Variants in NINL observed in about 807,000 individuals in gnomAD.
NINL encodes the protein ninein like.
Under a neutral mutation model 160.3 loss-of-function variants are expected in NINL, and 153 were observed. The ratio of observed to expected loss-of-function variants is 0.95; its 90% CI spans 0.84 to 1.09. The LOEUF is 1.09. NINL is among the 50% of genes least tolerant of loss of function. The pLI, the probability that NINL is intolerant of heterozygous loss-of-function variation, is 0.00. For synonymous variants in NINL, 800 were observed against 734.8 expected (o/e 1.09, Z -1.43); for missense variants, 1,829 against 1,764.0 (o/e 1.04, Z -0.66).
intron 7 of NINL, among the ~76,000 whole-genome samples, chr20:25,501,668 T>G (rs1443877162): frequency 6.6e-6 from 1 of 152,220 alleles, no homozygotes; most frequent in Non-Finnish European, 1.5e-5. Context: ...AGTGCTGGCT[T>G]CTGAGTTTCT....
chr20:25,467,234 TCTGA>T (rs1188427234), intron 19 of NINL, among the ~76,000 whole-genome samples, 151 bp downstream of exon 19: 7 of 152,212 alleles, frequency 4.6e-5, no homozygotes, highest in Non-Finnish European at 8.8e-5. Flanking sequence ...GTGTTTAGTG[TCTGA>T]CTTTGATGGG....
chr20:25,543,349 A>G (rs1455090672), intron 1 of NINL, among the ~76,000 whole-genome samples: 1 of 152,232 alleles, frequency 6.6e-6, no homozygotes, highest in Admixed American at 6.5e-5. Flanking sequence ...CTGGAGGTCC[A>G]GACTAGCCTG....
chr20:25,477,721 C>T (rs567215194), intron 16 of NINL, among the ~76,000 whole-genome samples: 2 of 152,304 alleles, frequency 1.3e-5, no homozygotes, highest in African/African-American at 4.8e-5. Context: ...GGGACAGCAG[C>T]TCCCCAGGAG....
At chr20:25,478,407 GC>G (rs916578402) in intron 16 of NINL, among the ~76,000 whole-genome samples, 19 of 152,168 alleles carry the variant, frequency 1.2e-4, no homozygotes, top group Admixed American at 8.5e-4. Context: ...TACCTCAGAT[GC>G]CCCCAACAAG....
chr20:25,571,253 C>T (rs1235893254), intron 1 of NINL, among the ~76,000 whole-genome samples: 1 of 152,070 alleles, frequency 6.6e-6, no homozygotes, highest in Non-Finnish European at 1.5e-5. Flanking sequence ...GGTTTCATAG[C>T]CACAGTACTG....
rs184600895 is a variant in NINL at position 25,542,984 on chromosome 20, G to A, written c.-11-16386C>T. 1.3e-3 allele frequency among the ~76,000 whole-genome samples: 195 copies of A among 145,028 alleles called. 1 individual carries two copies. Among genetic ancestry groups the A allele is most frequent in the African/African-American group, 4.6e-3 (182 of 39,388 alleles). ...GAACCTGGGAGGTGGAGGCTGCAGT[G>A]AGCCAAGATCGCACCACTGCACTCC... On this transcript the variant is annotated intron_variant, in intron 1 of 23. Transcript: ENST00000278886.
At position 25,568,278 on chromosome 20, in the gene NINL, T is replaced by A. The variant is rs114421714; in HGVS notation, c.-12+17177A>T. Reference sequence around the variant, plus strand: ...CCATTATTGGCAATAAAAGAGAGAATTGTATCTTTACAGATTCTGCAGGCA... The same window carrying A: ...CCATTATTGGCAATAAAAGAGAGAAATGTATCTTTACAGATTCTGCAGGCA... On this transcript the variant is annotated intron_variant, in intron 1 of 23. Coordinates refer to ENST00000278886, the MANE Select transcript of NINL (RefSeq NM_025176.6). Among the ~76,000 whole-genome samples, 450 of 151,270 alleles carry A rather than the reference T, an allele frequency of 3.0e-3. 5 individuals are homozygous for A. The highest frequency in any genetic ancestry group is 9.4e-3 in the African/African-American group (388 of 41,342).
intron 11 of NINL, 102 bp from the exon 12 acceptor site, chr20:25,490,087 G>T: frequency 9.3e-7 from 1 of 1,074,036 alleles, no homozygotes; most frequent in Non-Finnish European, 1.4e-6. Flanking sequence ...TGGGCATCAG[G>T]AAAGAACCCC....
At chr20:25,461,738 A>C in intron 20 of NINL, 103 bp from the exon 21 acceptor site, 1 of 815,250 alleles carries the variant, frequency 1.2e-6, no homozygotes, top group Non-Finnish European at 2.0e-6. Flanking sequence ...AAAAAAGTAC[A>C]AAATTTAAAT....
chr20:25,547,388 C>A (rs937225938), intron 1 of NINL, among the ~76,000 whole-genome samples: 2 of 152,208 alleles, frequency 1.3e-5, no homozygotes, highest in Non-Finnish European at 2.9e-5. Context: ...TTGCAAGCCA[C>A]ACTATCAGAT....
intron 1 of NINL, among the ~76,000 whole-genome samples, chr20:25,555,895 G>A (rs1393176556): frequency 4.6e-5 from 7 of 151,964 alleles, no homozygotes; most frequent in Non-Finnish European, 7.4e-5. Flanking sequence ...GGCTGGTCTC[G>A]AACTCCTGAC....
chr20:25,511,763 T>A (rs2064073997), intron 4 of NINL, among the ~76,000 whole-genome samples: 1 of 152,208 alleles, frequency 6.6e-6, no homozygotes, highest in Admixed American at 6.5e-5. Flanking sequence ...TTTACTGGCA[T>A]CGCCTAGATG....
chr20:25,478,804 G>A, intron 16 of NINL, 119 bp downstream of exon 16: 1 of 1,246,110 alleles, frequency 8.0e-7, no homozygotes, highest in Non-Finnish European at 1.1e-6. Context: ...CATCTGCCCA[G>A]AGGAAAACCA....
intron 1 of NINL, among the ~76,000 whole-genome samples, chr20:25,537,430 A>C (rs1340524156): frequency 6.6e-6 from 1 of 152,206 alleles, no homozygotes; most frequent in African/African-American, 2.4e-5. Context: ...TGACGAAACA[A>C]AAACTGATGT....
At chr20:25,552,256 G>T (rs1053542984) in intron 1 of NINL, among the ~76,000 whole-genome samples, 41 of 151,820 alleles carry the variant, frequency 2.7e-4, no homozygotes, top group African/African-American at 9.9e-4. Context: ...TAAAAGAGCT[G>T]GGCATGGTGG....
At position 25,504,991 on chromosome 20, in the gene NINL, C is replaced by G; in HGVS notation, c.605G>C (p.Arg202Pro). 3 of 1,613,874 alleles carry G rather than the reference C, an allele frequency of 1.9e-6. No individual in the cohort carries two copies. Among genetic ancestry groups the G allele is most frequent in the South Asian group, 1.1e-5 (1 of 91,044 alleles). Residue 202 changes from arginine (R) to proline (P), a missense_variant, in exon 6 of 24, where the codon CGG becomes CCG. Arg to Pro is a moderately radical substitution (Grantham distance 103). Coordinates refer to ENST00000278886, the MANE Select transcript of NINL (RefSeq NM_025176.6). ...CACCCCCAGCTCTTCCCACACGCCC[C>G]GGATCTGGCTCTCTGGGGTGTCAAA... ...PSFDTPESQI[R>P]GVWEELGVGS...
intron 22 of NINL, among the ~76,000 whole-genome samples, chr20:25,457,771 C>G: frequency 6.6e-6 from 1 of 152,210 alleles, no homozygotes; most frequent in East Asian, 1.9e-4. Flanking sequence ...TTGAATTAAA[C>G]TCCTGCATAG....
At chr20:25,569,162 A>G (rs988231229) in intron 1 of NINL, among the ~76,000 whole-genome samples, 37 of 149,876 alleles carry the variant, frequency 2.5e-4, no homozygotes, top group Non-Finnish European at 4.9e-4. Flanking sequence ...CAGGAGGTGG[A>G]GGTTGCAGTG....
At chr20:25,508,692 G>A (rs2064008963) in intron 5 of NINL, among the ~76,000 whole-genome samples, 1 of 152,222 alleles carries the variant, frequency 6.6e-6, no homozygotes, top group African/African-American at 2.4e-5. Context: ...AGCCTGAAGA[G>A]GGCTCTCGGC....
Sources: allele counts gnomAD v4.1 joint callset (sites outside exome capture counted in the v4.1 genomes callset), GRCh38; gene constraint gnomAD v4.1.1; transcripts MANE v1.5; gene names NCBI Gene and HGNC (gene_info 2026-07-23, HGNC 2026-07-21).